Variants in GLB1 observed in about 807,000 individuals in gnomAD.
GLB1 encodes beta-galactosidase.
GLB1 carries 56 observed loss-of-function variants against 74.0 expected under a neutral mutation model. That is an observed-to-expected ratio of 0.76 (90% confidence interval 0.61 to 0.94). The LOEUF is 0.94. Among genes scored for constraint, GLB1 ranks in the 40% least tolerant of loss-of-function variants. The pLI, the probability that GLB1 is intolerant of heterozygous loss-of-function variation, is 0.00. For synonymous variants in GLB1, 323 were observed against 323.6 expected, an observed-to-expected ratio of 1.00 and a Z score of 0.02; for missense variants, 787 against 845.5, an observed-to-expected ratio of 0.93 and a Z score of 0.86.
chr3:33,022,563 G>GCTTTTTTTTTTTTT (rs1380045437), intron 11 of GLB1, among the ~76,000 whole-genome samples: 2 of 15,318 alleles, frequency 1.3e-4, no homozygotes, highest in Non-Finnish European at 3.0e-4. Context: ...TACTGGTTAG[G>GCTTTTTTTTTTTTT]ATTTTTTTTT....
chr3:33,028,895 G>T (rs1465926897), intron 10 of GLB1, among the ~76,000 whole-genome samples: 8 of 152,052 alleles, frequency 5.3e-5, no homozygotes, highest in Non-Finnish European at 1.0e-4. Context: ...TCAAACTCCT[G>T]ACCTCAGGTG....
chr3:33,066,828 G>A (rs1421390460), intron 4 of GLB1, among the ~76,000 whole-genome samples: 2 of 152,086 alleles, frequency 1.3e-5, no homozygotes, highest in African/African-American at 4.8e-5. Context: ...AGTTACCACA[G>A]TGAAAACACC....
At chr3:33,080,359 G>T (rs1199201363) in intron 1 of GLB1, among the ~76,000 whole-genome samples, 1 of 152,186 alleles carries the variant, frequency 6.6e-6, no homozygotes, top group Non-Finnish European at 1.5e-5. Context: ...GATTACAGAC[G>T]TGAGCCACCG....
chr3:33,067,948 C>T (rs929273105), intron 4 of GLB1, among the ~76,000 whole-genome samples: 1 of 152,166 alleles, frequency 6.6e-6, no homozygotes, highest in Non-Finnish European at 1.5e-5. Context: ...TGCATTGATA[C>T]GATCTCGGTT....
At chr3:32,964,670 T>A in the GLB1 span, among the ~76,000 whole-genome samples, 1 of 152,218 alleles carries the variant, frequency 6.6e-6, no homozygotes, top group Non-Finnish European at 1.5e-5. Flanking sequence ...GTACCTATTT[T>A]ATGATCCAAT....
chr3:32,988,252 A>G, the GLB1 span, among the ~76,000 whole-genome samples: 1 of 151,138 alleles, frequency 6.6e-6, no homozygotes, highest in Non-Finnish European at 1.5e-5. Context: ...GACTTAAGTG[A>G]TAGGCTCACT....
downstream of GLB1, among the ~76,000 whole-genome samples, chr3:32,992,581 T>G (rs1057224799): frequency 2.0e-5 from 3 of 152,204 alleles, no homozygotes; most frequent in African/African-American, 7.2e-5. Context: ...ATAAGAAATT[T>G]AGACTTACAC....
Position 33,021,591 on chromosome 3 carries a change from G to A in GLB1, c.1208C>T (p.Pro403Leu). The change falls in exon 12 of 16, where the codon CCC (proline) becomes CTC (leucine). Residue 403 changes from proline (P) to leucine (L), a missense_variant. Transcript: ENST00000307363. ...CTGTTTCACCTGGATAAATGTCAAG[G>A]GATAAAGGCTTTTGATGGGCCCAGA... ...CPSGPIKSLY[P>L]LTFIQVKQHY... The A allele has an allele frequency of 3.7e-6, 6 of 1,613,998 alleles. No individual in the cohort carries two copies. The highest frequency in any genetic ancestry group is 5.1e-6 in the Non-Finnish European group (6 of 1,179,974).
chr3:33,022,564 A>ATTTTTT lies in GLB1; in HGVS notation c.1144-915_1144-910dup, dbSNP rs61013692. 5.2e-4 allele frequency among the ~76,000 whole-genome samples: 33 copies of ATTTTTT among 63,764 alleles called. 7 individuals are homozygous for ATTTTTT. Among genetic ancestry groups the ATTTTTT allele is most frequent in the East Asian group, 1.7e-3 (3 of 1,720 alleles). The allele number at this position is 63,764 out of a possible 152,430, so 41.8% of individuals were successfully genotyped here. ...TTCCATGACTATAATACTGGTTAGGATTTTTTTTTTTTTTTTTTTGAGAGA... is the reference window on the plus strand; with the variant it reads ...TTCCATGACTATAATACTGGTTAGGATTTTTTTTTTTTTTTTTTTTTTTTTGAGAGA... On this transcript the variant is annotated intron_variant, in intron 11 of 15. Coordinates refer to ENST00000307363, the MANE Select transcript of GLB1 (RefSeq NM_000404.4).
rs539372127 is a variant in GLB1, at chr3:33,054,649, C to T, written c.734-1100G>A. ...ATGTGGGGGCTCTAATTGTGTTTAC[C>T]CCTGAATAATGGAATATACTCTGGA... On this transcript the variant is annotated intron_variant, in intron 6 of 15. Coordinates refer to ENST00000307363, the MANE Select transcript of GLB1 (RefSeq NM_000404.4). 5.9e-5 allele frequency among the ~76,000 whole-genome samples: 9 copies of T among 152,254 alleles called. No individual in the cohort carries two copies. In the South Asian group the frequency reaches 1.9e-3, roughly 32 times the overall value.
At chr3:33,042,370 CTTTT>C (rs66685286) in intron 10 of GLB1, among the ~76,000 whole-genome samples, 6 of 99,240 alleles carry the variant, frequency 6.0e-5, no homozygotes, top group Admixed American at 1.3e-4. Flanking sequence ...TCATCTCCTC[CTTTT>C]TTTTTTTTTT....
intron 3 of GLB1, 152 bp downstream of exon 3, chr3:33,068,668 G>A (rs1455263804): frequency 2.4e-5 from 35 of 1,449,782 alleles, no homozygotes; most frequent in Non-Finnish European, 3.1e-5. Flanking sequence ...TTCTCTGCCT[G>A]GGCACCTTGT....
chr3:33,003,425 G>C (rs1696657669), intron 15 of GLB1, among the ~76,000 whole-genome samples: 1 of 152,174 alleles, frequency 6.6e-6, no homozygotes, highest in Non-Finnish European at 1.5e-5. Flanking sequence ...AAAAATTGAA[G>C]AAGACCTTCT....
the GLB1 span, among the ~76,000 whole-genome samples, chr3:32,981,104 A>G: frequency 6.7e-6 from 1 of 149,804 alleles, no homozygotes; most frequent in African/African-American, 2.4e-5. Context: ...AAAAAAAAAA[A>G]AAAAAAAAAA....
At chr3:33,019,806 G>A (rs1697393956) in intron 12 of GLB1, among the ~76,000 whole-genome samples, 1 of 152,172 alleles carries the variant, frequency 6.6e-6, no homozygotes. Flanking sequence ...AGGCAGGTGT[G>A]GCTGAGGCTC....
intron 9 of GLB1, 91 bp from the exon 10 acceptor site, chr3:33,046,323 A>G: frequency 2.7e-6 from 4 of 1,461,942 alleles, no homozygotes; most frequent in Non-Finnish European, 3.8e-6. Context: ...CTGTAGAGAG[A>G]GAAAACTAGA....
chr3:33,076,756 A>T (rs1700123616), intron 1 of GLB1, among the ~76,000 whole-genome samples: 1 of 152,236 alleles, frequency 6.6e-6, no homozygotes, highest in South Asian at 2.1e-4. Flanking sequence ...ATTTACAGGG[A>T]GAAAAAATTC....
intron 10 of GLB1, among the ~76,000 whole-genome samples, chr3:33,039,509 T>G (rs576935456): frequency 1.3e-5 from 2 of 152,266 alleles, no homozygotes; most frequent in African/African-American, 4.8e-5. Flanking sequence ...AATATGGGTT[T>G]CACTCAGACA....
At chr3:32,971,111 C>T in the GLB1 span, among the ~76,000 whole-genome samples, 7 of 152,220 alleles carry the variant, frequency 4.6e-5, no homozygotes, top group South Asian at 6.2e-4. Flanking sequence ...CAGTGGTCTA[C>T]GCTAACACAG....
Sources: gnomAD v4.1 joint callset for allele counts (sites outside exome capture counted in the v4.1 genomes callset) on GRCh38, gnomAD v4.1.1 for gene constraint, MANE v1.5 for transcripts, NCBI Gene and HGNC (gene_info 2026-07-23, HGNC 2026-07-21) for gene names.